The following LSAMP variants were observed in gnomAD, a reference collection of about 807,000 sequenced individuals.
LSAMP encodes the protein limbic system-associated membrane protein.
In LSAMP, 7 loss-of-function variants were observed where a neutral mutation model predicts 38.6. The observed-to-expected ratio is 0.18, with a 90% confidence interval of 0.10 to 0.34. The LOEUF (loss-of-function observed/expected upper bound fraction) is 0.34. Among genes scored for constraint, LSAMP ranks in the 10% least tolerant of loss-of-function variants. LSAMP has a pLI of 1.00. For synonymous variants in LSAMP, 154 were observed against 166.8 expected, an observed-to-expected ratio of 0.92 and a Z score of 0.59; for missense variants, 313 against 420.0, an observed-to-expected ratio of 0.75 and a Z score of 2.23.
At chr3:115,950,628 T>C (rs1421480121) in intron 3 of LSAMP, among the ~76,000 whole-genome samples, 2 of 152,038 alleles carry the variant, frequency 1.3e-5, no homozygotes, top group Non-Finnish European at 2.9e-5. Flanking sequence ...CCCATGTTCA[T>C]TGTTGGGTAG....
intron 1 of LSAMP, among the ~76,000 whole-genome samples, chr3:116,412,216 CCCAATAG>C (rs1559859206): frequency 6.6e-6 from 1 of 151,990 alleles, no homozygotes; most frequent in Non-Finnish European, 1.5e-5. Flanking sequence ...GATTATTATA[CCCAATAG>C]CCAGAATGAA....
intron 1 of LSAMP, among the ~76,000 whole-genome samples, chr3:116,127,775 T>C (rs1709039344): frequency 6.6e-6 from 1 of 151,034 alleles, no homozygotes; most frequent in African/African-American, 2.4e-5. Context: ...TTGACTTTCC[T>C]TTTTTTAATA....
chr3:116,119,243 A>C lies in LSAMP; in HGVS notation c.156-32687T>G, dbSNP rs888470970. On this transcript the variant is annotated intron_variant, in intron 1 of 6. Transcript: ENST00000490035. Reference sequence around the variant, plus strand: ...GATGTAGGGAGAAAAGTGAGAGTAAAACATGCTTTTTAAAAATTGTATCTT... The same window carrying C: ...GATGTAGGGAGAAAAGTGAGAGTAACACATGCTTTTTAAAAATTGTATCTT... Among the ~76,000 whole-genome samples the C allele has an allele frequency of 5.3e-5, 8 of 151,972 alleles. 1 individual carries two copies. Among genetic ancestry groups the C allele is most frequent in the African/African-American group, 1.9e-4 (8 of 41,368 alleles).
intron 1 of LSAMP, among the ~76,000 whole-genome samples, chr3:116,375,671 A>G (rs1388632612): frequency 6.6e-6 from 1 of 151,894 alleles, no homozygotes; most frequent in Non-Finnish European, 1.5e-5. Context: ...TTTATTTGTA[A>G]TATCTATAAG....
intron 1 of LSAMP, among the ~76,000 whole-genome samples, chr3:116,431,022 A>G (rs537948467): frequency 1.3e-5 from 2 of 152,060 alleles, no homozygotes; most frequent in South Asian, 2.1e-4. Context: ...TTTCTTCCCT[A>G]TAGTTTTCAT....
chr3:116,416,142 A>C (rs2049047202), intron 1 of LSAMP, among the ~76,000 whole-genome samples: 1 of 152,156 alleles, frequency 6.6e-6, no homozygotes. Context: ...GTTCCGGGCC[A>C]TTTGCCTTCA....
At chr3:116,264,395 A>G (rs1185439593) in intron 1 of LSAMP, among the ~76,000 whole-genome samples, 1 of 152,184 alleles carries the variant, frequency 6.6e-6, no homozygotes, top group Admixed American at 6.5e-5. Context: ...ATATGCTAGT[A>G]AGAGGCGGCT....
chr3:116,020,499 C>A (rs1940608637), intron 2 of LSAMP, among the ~76,000 whole-genome samples: 1 of 152,132 alleles, frequency 6.6e-6, no homozygotes. Context: ...GAGTTTGAAT[C>A]CCAGCCAATT....
intron 1 of LSAMP, among the ~76,000 whole-genome samples, chr3:116,164,925 T>C (rs1710012851): frequency 6.6e-6 from 1 of 151,662 alleles, no homozygotes; most frequent in South Asian, 2.1e-4. Flanking sequence ...ACTTGTCTAT[T>C]ATTTATGAGA....
intron 3 of LSAMP, among the ~76,000 whole-genome samples, chr3:115,907,109 T>C (rs1255194111): frequency 6.6e-6 from 1 of 152,152 alleles, no homozygotes; most frequent in East Asian, 1.9e-4. Flanking sequence ...CCCAGTGTTA[T>C]TTGCTACAGT....
At chr3:116,262,592 A>G (rs2046838159) in intron 1 of LSAMP, among the ~76,000 whole-genome samples, 1 of 152,174 alleles carries the variant, frequency 6.6e-6, no homozygotes, top group South Asian at 2.1e-4. Flanking sequence ...TAGGTATCAG[A>G]TACGCAGCAA....
At chr3:116,112,723 G>A (rs1348192753) in intron 1 of LSAMP, among the ~76,000 whole-genome samples, 1 of 152,126 alleles carries the variant, frequency 6.6e-6, no homozygotes, top group Non-Finnish European at 1.5e-5. Flanking sequence ...ATAAGGAAGT[G>A]GGGAACGAGT....
At chr3:115,822,993 C>A in intron 6 of LSAMP, among the ~76,000 whole-genome samples, 1 of 152,078 alleles carries the variant, frequency 6.6e-6, no homozygotes, top group East Asian at 1.9e-4. Context: ...ATGAATGAAA[C>A]CAAACTAAAA....
intron 3 of LSAMP, among the ~76,000 whole-genome samples, chr3:116,010,806 T>C (rs1363964079): frequency 2.6e-5 from 4 of 152,228 alleles, no homozygotes; most frequent in African/African-American, 7.2e-5. Flanking sequence ...TATTGTATCA[T>C]TTGTAATTTT....
chr3:116,204,944 C>A (rs2046045359), intron 1 of LSAMP, among the ~76,000 whole-genome samples: 2 of 144,502 alleles, frequency 1.4e-5, no homozygotes, highest in South Asian at 4.8e-4. Context: ...TGAAGAAAGT[C>A]ATTGGTAGCT....
At chr3:115,988,406 T>C (rs1202758092) in intron 3 of LSAMP, among the ~76,000 whole-genome samples, 1 of 152,102 alleles carries the variant, frequency 6.6e-6, no homozygotes, top group Non-Finnish European at 1.5e-5. Flanking sequence ...AATTTAAATG[T>C]TGGATATCAG....
chr3:116,150,050 G>A (rs1709577290), intron 1 of LSAMP, among the ~76,000 whole-genome samples: 2 of 152,022 alleles, frequency 1.3e-5, no homozygotes, highest in African/African-American at 2.4e-5. Context: ...ACAGAATGTG[G>A]AACAGAATGT....
intron 1 of LSAMP, among the ~76,000 whole-genome samples, chr3:116,183,702 T>C (rs1359386587): frequency 1.1e-4 from 17 of 151,838 alleles, no homozygotes; most frequent in Admixed American, 1.1e-3. Flanking sequence ...ATCTTTATAT[T>C]TTAGTGAATA....
At chr3:115,942,637 T>C (rs1937961236) in intron 3 of LSAMP, among the ~76,000 whole-genome samples, 1 of 152,206 alleles carries the variant, frequency 6.6e-6, no homozygotes, top group African/African-American at 2.4e-5. Context: ...TGTTTTAGTA[T>C]GTACTAGATA....
Sources: allele counts gnomAD v4.1 joint callset (sites outside exome capture counted in the v4.1 genomes callset), GRCh38; gene constraint gnomAD v4.1.1; transcripts MANE v1.5; gene names NCBI Gene and HGNC (gene_info 2026-07-23, HGNC 2026-07-21).